Variants in CFAP299 observed in about 807,000 individuals in gnomAD.
The protein encoded by CFAP299 is cilia and flagella associated protein 299.
A neutral mutation model predicts 27.0 loss-of-function variants in CFAP299; 21 were observed. The observed-to-expected ratio is 0.78, with a 90% CI of 0.55 to 1.12. CFAP299 has a LOEUF of 1.12. Among genes scored for constraint, CFAP299 ranks in the 50% most tolerant of loss-of-function variants. The probability of loss-of-function intolerance (pLI) is 0.00; values close to 1 mark genes in which losing one functional copy is unlikely to be tolerated. For missense variants in CFAP299, 310 were observed against 276.6 expected (o/e 1.12, Z -0.86); for synonymous variants, 104 against 98.1 (o/e 1.06, Z -0.36).
chr4:80,485,087 G>A (rs1027617299), intron 2 of CFAP299, among the ~76,000 whole-genome samples: 7 of 152,120 alleles, frequency 4.6e-5, no homozygotes, highest in Non-Finnish European at 8.8e-5. Flanking sequence ...ACATCAGTAC[G>A]TGGAGACAGC....
chr4:80,463,088 C>T (rs1470309449), intron 2 of CFAP299, among the ~76,000 whole-genome samples: 1 of 152,036 alleles, frequency 6.6e-6, no homozygotes, highest in East Asian at 1.9e-4. Flanking sequence ...TTCCCCAAAA[C>T]AGTGATTGGG....
At chr4:80,793,882 C>T (rs1258233805) in intron 3 of CFAP299, among the ~76,000 whole-genome samples, 2 of 152,184 alleles carry the variant, frequency 1.3e-5, no homozygotes, top group African/African-American at 4.8e-5. Context: ...ACCTCGTCTA[C>T]TATCCATTCT....
intron 2 of CFAP299, among the ~76,000 whole-genome samples, chr4:80,477,138 T>G (rs947540470): frequency 6.6e-6 from 1 of 152,106 alleles, no homozygotes; most frequent in African/African-American, 2.4e-5. Context: ...CACTGCAGCC[T>G]TGCAGCCTCA....
chr4:80,630,061 A>ATT (rs1258984003), intron 3 of CFAP299, among the ~76,000 whole-genome samples: 1 of 152,070 alleles, frequency 6.6e-6, no homozygotes, highest in Non-Finnish European at 1.5e-5. Flanking sequence ...AGGACTGAGA[A>ATT]TTTTACCCAG....
At chr4:80,817,376 A>G (rs983193707) in intron 3 of CFAP299, among the ~76,000 whole-genome samples, 5 of 152,062 alleles carry the variant, frequency 3.3e-5, no homozygotes, top group African/African-American at 1.2e-4. Flanking sequence ...ATTAATATTA[A>G]CATATGAATA....
intron 2 of CFAP299, among the ~76,000 whole-genome samples, chr4:80,553,530 G>T (rs1734633176): frequency 1.3e-5 from 2 of 152,236 alleles, no homozygotes; most frequent in Non-Finnish European, 2.9e-5. Flanking sequence ...CCCAGTAATG[G>T]GATTGCTGAG....
At chr4:80,891,785 A>AAAAAT (rs370608225) in intron 4 of CFAP299, among the ~76,000 whole-genome samples, 3,997 of 115,572 alleles carry the variant, frequency 0.035, 188 homozygotes, top group African/African-American at 0.093. Context: ...AATTAAAAAA[A>AAAAAT]AAATAAAAAA....
At chr4:80,853,030 T>A (rs1296121410) in intron 3 of CFAP299, among the ~76,000 whole-genome samples, 1 of 152,082 alleles carries the variant, frequency 6.6e-6, no homozygotes, top group African/African-American at 2.4e-5. Context: ...TTTATTTATT[T>A]ATTTATTTAT....
intron 2 of CFAP299, among the ~76,000 whole-genome samples, chr4:80,543,844 C>T (rs1037933724): frequency 2.6e-5 from 4 of 152,096 alleles, no homozygotes; most frequent in African/African-American, 9.7e-5. Context: ...TCAGAGAACC[C>T]ATGTGAGATA....
At chr4:80,399,786 A>G (rs537355114) in intron 2 of CFAP299, among the ~76,000 whole-genome samples, 207 of 152,280 alleles carry the variant, frequency 1.4e-3, no homozygotes, top group African/African-American at 4.3e-3. Context: ...ATATGTATAC[A>G]TATGTAACAA....
intron 2 of CFAP299, among the ~76,000 whole-genome samples, chr4:80,507,717 C>G (rs1189263057): frequency 6.6e-6 from 1 of 152,122 alleles, no homozygotes; most frequent in African/African-American, 2.4e-5. Flanking sequence ...TTTCCTTTTC[C>G]ACAAGCCCCC....
intron 1 of CFAP299, among the ~76,000 whole-genome samples, chr4:80,359,071 T>G (rs887805526): frequency 6.6e-6 from 1 of 152,126 alleles, no homozygotes; most frequent in African/African-American, 2.4e-5. Context: ...TTCTCCTTTG[T>G]TTATGAAGCT....
intron 4 of CFAP299, among the ~76,000 whole-genome samples, chr4:80,890,489 T>C (rs980802770): frequency 6.6e-5 from 10 of 152,124 alleles, no homozygotes; most frequent in Admixed American, 5.9e-4. Flanking sequence ...GATCCAAGTC[T>C]TTGCTATTGT....
intron 3 of CFAP299, among the ~76,000 whole-genome samples, chr4:80,680,158 C>T (rs1186301952): frequency 6.6e-6 from 1 of 151,882 alleles, no homozygotes; most frequent in South Asian, 2.1e-4. Context: ...AAAAAATTGC[C>T]GATCTTCACT....
intron 3 of CFAP299, among the ~76,000 whole-genome samples, chr4:80,695,743 G>A (rs1292036026): frequency 6.7e-6 from 1 of 149,992 alleles, no homozygotes; most frequent in Non-Finnish European, 1.5e-5. Flanking sequence ...CATAATCATG[G>A]CTCACTGCAC....
chr4:80,408,048 G>C (rs114270835), intron 2 of CFAP299, among the ~76,000 whole-genome samples: 1,963 of 152,118 alleles, frequency 0.013, 17 homozygotes, highest in Non-Finnish European at 0.02. Flanking sequence ...ACATTTTCTT[G>C]TTGATGGATA....
intron 3 of CFAP299, among the ~76,000 whole-genome samples, chr4:80,592,443 C>A (rs1019014746): frequency 2.0e-5 from 3 of 152,050 alleles, no homozygotes. Flanking sequence ...TTTCATGTTA[C>A]AAATGATACA....
intron 2 of CFAP299, among the ~76,000 whole-genome samples, chr4:80,512,392 C>A (rs948840709): frequency 2.6e-5 from 4 of 152,200 alleles, no homozygotes; most frequent in Non-Finnish European, 5.9e-5. Flanking sequence ...AAAATTGCAC[C>A]TAACTTTTAC....
intron 3 of CFAP299, among the ~76,000 whole-genome samples, chr4:80,617,413 T>C (rs1738347346): frequency 6.6e-6 from 1 of 152,132 alleles, no homozygotes; most frequent in Admixed American, 6.6e-5. Flanking sequence ...TACCCTGCCA[T>C]CAACTTAGCT....
Sources: allele counts gnomAD v4.1 joint callset (sites outside exome capture counted in the v4.1 genomes callset), GRCh38; gene constraint gnomAD v4.1.1; transcripts MANE v1.5; gene names NCBI Gene and HGNC (gene_info 2026-07-23, HGNC 2026-07-21).